Variants in DLGAP1 observed in about 807,000 individuals in gnomAD.
DLGAP1 encodes DLG associated protein 1, also known as disks large-associated protein 1.
A neutral mutation model predicts 90.8 loss-of-function variants in DLGAP1; 11 were observed. The ratio of observed to expected loss-of-function variants is 0.12; its 90% CI spans 0.08 to 0.20. DLGAP1 has a LOEUF of 0.20. Among genes scored for constraint, DLGAP1 ranks in the 10% least tolerant of loss-of-function variants. DLGAP1 has a pLI of 1.00. For missense variants in DLGAP1, 1,050 were observed against 1,333.8 expected (o/e 0.79, Z 3.31); for synonymous variants, 558 against 540.7 (o/e 1.03, Z -0.44).
At chr18:3,768,349 C>A (rs573232750) in intron 5 of DLGAP1, among the ~76,000 whole-genome samples, 1 of 152,072 alleles carries the variant, frequency 6.6e-6, no homozygotes, top group South Asian at 2.1e-4. Context: ...TTGAAATACT[C>A]AAAAATAGGA....
chr18:3,521,019 A>G (rs2051151744), intron 10 of DLGAP1, among the ~76,000 whole-genome samples: 1 of 152,056 alleles, frequency 6.6e-6, no homozygotes. Flanking sequence ...CCACCTTGTA[A>G]ATGTTGAACA....
At chr18:4,093,119 A>G (rs967812538) in intron 2 of DLGAP1, among the ~76,000 whole-genome samples, 6 of 152,112 alleles carry the variant, frequency 3.9e-5, no homozygotes, top group Admixed American at 6.5e-5. Context: ...GGAAGTGGCA[A>G]TTTGTTCAAT....
chr18:4,341,199 A>AT (rs2081181491), intron 1 of DLGAP1, among the ~76,000 whole-genome samples: 3 of 151,728 alleles, frequency 2.0e-5, no homozygotes, highest in Admixed American at 1.3e-4. Context: ...TATATATATA[A>AT]AAAGAAAAAT....
chr18:4,282,773 T>C (rs891206487), intron 1 of DLGAP1, among the ~76,000 whole-genome samples: 1 of 152,220 alleles, frequency 6.6e-6, no homozygotes, highest in Non-Finnish European at 1.5e-5. Context: ...AAGAGCCTGC[T>C]TTACCAGTTA....
chr18:3,647,590 C>A (rs766306707), intron 7 of DLGAP1, among the ~76,000 whole-genome samples: 3 of 151,780 alleles, frequency 2.0e-5, no homozygotes, highest in Non-Finnish European at 2.9e-5. Flanking sequence ...CTTAGCCTCC[C>A]GAGTACCTGG....
chr18:4,136,273 G>A (rs760752766), intron 2 of DLGAP1, among the ~76,000 whole-genome samples: 12 of 152,148 alleles, frequency 7.9e-5, no homozygotes, highest in Non-Finnish European at 1.5e-4. Flanking sequence ...CAGTGAGATT[G>A]TGGGATTGTA....
At chr18:3,725,572 T>G (rs1469170898) in intron 7 of DLGAP1, among the ~76,000 whole-genome samples, 2 of 152,200 alleles carry the variant, frequency 1.3e-5, no homozygotes, top group African/African-American at 4.8e-5. Flanking sequence ...ACTGTAATAT[T>G]AACTGCTCTA....
rs1161066821 is a variant in DLGAP1 at position 4,378,703 on chromosome 18, C to CT, written c.-267+76302dup. ...GGTAGGTATCTTGTCCTCTTGAGAA[C>CT]TTTAACTTACTACTTAATCTGAACC... On this transcript the variant is annotated intron_variant, in intron 1 of 12. Coordinates refer to ENST00000315677, the MANE Select transcript of DLGAP1 (RefSeq NM_004746.4). The surrounding 1 kb of genome is among the most constrained non-coding windows in gnomAD (Gnocchi z 4.5). Among the ~76,000 whole-genome samples, 1 of 152,158 alleles carries CT rather than the reference C, an allele frequency of 6.6e-6. No homozygotes were observed. The highest frequency in any genetic ancestry group is 1.5e-5 in the Non-Finnish European group (1 of 68,018).
chr18:4,381,424 C>G (rs1316407520), intron 1 of DLGAP1, among the ~76,000 whole-genome samples: 1 of 152,156 alleles, frequency 6.6e-6, no homozygotes, highest in Admixed American at 6.5e-5. Flanking sequence ...ACTGATGAAT[C>G]TTCTACTTAC....
intron 5 of DLGAP1, among the ~76,000 whole-genome samples, chr18:3,787,462 C>T (rs1173655154): frequency 1.2e-5 from 1 of 85,702 alleles, no homozygotes; most frequent in Admixed American, 1.9e-4. Context: ...GCCTGGGTGA[C>T]AAAGCGAAAC....
chr18:3,928,385 C>T (rs528514534), intron 3 of DLGAP1, among the ~76,000 whole-genome samples: 3 of 152,222 alleles, frequency 2.0e-5, no homozygotes, highest in Admixed American at 2.0e-4. Flanking sequence ...GCTGAAAGTT[C>T]ATTATGTGCC....
At chr18:3,865,535 GT>G (rs550355032) in intron 4 of DLGAP1, among the ~76,000 whole-genome samples, 64 of 152,214 alleles carry the variant, frequency 4.2e-4, no homozygotes, top group African/African-American at 1.4e-3. Flanking sequence ...AGTAGAACCT[GT>G]TTTTTAAACC....
At chr18:3,923,306 A>T (rs2072310168) in intron 3 of DLGAP1, among the ~76,000 whole-genome samples, 1 of 152,138 alleles carries the variant, frequency 6.6e-6, no homozygotes, top group South Asian at 2.1e-4. Flanking sequence ...TTTGATTTTT[A>T]AAAAATGATG....
chr18:3,611,655 C>T (rs891522528), intron 7 of DLGAP1, among the ~76,000 whole-genome samples: 3 of 152,188 alleles, frequency 2.0e-5, no homozygotes, highest in Admixed American at 6.6e-5. Flanking sequence ...GAACTTACCA[C>T]GCGTTTCTCA....
At chr18:4,056,440 A>G (rs2075218273) in intron 2 of DLGAP1, among the ~76,000 whole-genome samples, 1 of 152,196 alleles carries the variant, frequency 6.6e-6, no homozygotes, top group East Asian at 1.9e-4. Context: ...ACTAGCCCTC[A>G]GACAGTTATG....
intron 1 of DLGAP1, among the ~76,000 whole-genome samples, chr18:4,381,928 T>C (rs1374887032): frequency 6.6e-6 from 1 of 152,098 alleles, no homozygotes; most frequent in Non-Finnish European, 1.5e-5. Flanking sequence ...AAGACACGTC[T>C]TACACGGCGG....
intron 1 of DLGAP1, chr18:4,248,492 A>T (rs1194369023): frequency 1.3e-5 from 2 of 152,106 alleles, no homozygotes; most frequent in African/African-American, 4.8e-5. Flanking sequence ...CTGTTTTAAC[A>T]TTTTCTTATA....
Position 3,672,351 on chromosome 18 carries a change from G to A in DLGAP1, c.1591+56784C>T, listed in dbSNP as rs554543880. On this transcript the variant is annotated intron_variant, in intron 7 of 12. Transcript: ENST00000315677. Reference sequence around the variant, plus strand: ...CCAGCACTTTGGGAGGCTGAGGAGGGCGGATCACCTGAGGTCAGGAGTTCG... The same window carrying A: ...CCAGCACTTTGGGAGGCTGAGGAGGACGGATCACCTGAGGTCAGGAGTTCG... Among the ~76,000 whole-genome samples the A allele has an allele frequency of 8.5e-5, 13 of 152,072 alleles. No homozygotes were observed. In the East Asian group the frequency reaches 2.5e-3, roughly 29 times the overall value.
intron 3 of DLGAP1, among the ~76,000 whole-genome samples, chr18:3,883,432 C>T (rs2071232113): frequency 6.6e-6 from 1 of 152,198 alleles, no homozygotes. Context: ...TCCTGTCTCC[C>T]AGTTTCTGGA....
Sources: allele counts gnomAD v4.1 joint callset (sites outside exome capture counted in the v4.1 genomes callset), GRCh38; gene constraint gnomAD v4.1.1; non-coding constraint Gnocchi (gnomAD v3.1); transcripts MANE v1.5; gene names NCBI Gene and HGNC (gene_info 2026-07-23, HGNC 2026-07-21).